Variants in VPS16 observed in about 807,000 individuals in gnomAD.
The protein encoded by VPS16 is VPS16 core subunit of CORVET and HOPS complexes, also known as vacuolar protein sorting-associated protein 16 homolog.
In VPS16, 82 loss-of-function variants were observed where a neutral mutation model predicts 116.0. That is an observed-to-expected ratio of 0.71 (90% CI 0.59 to 0.85). The LOEUF is 0.85. VPS16 is among the 40% of genes least tolerant of loss of function. The pLI is 0.00. For synonymous variants in VPS16, 406 were observed against 420.7 expected, an observed-to-expected ratio of 0.96 and a Z score of 0.43; for missense variants, 928 against 1,090.6, an observed-to-expected ratio of 0.85 and a Z score of 2.10.
At chr20:2,851,677 A>AAAAACAC (rs2089123164) in intron 1 of VPS16, among the ~76,000 whole-genome samples, 8 of 151,252 alleles carry the variant, frequency 5.3e-5, no homozygotes, top group Admixed American at 5.3e-4. Context: ...AAAAAAAACA[A>AAAAACAC]AAAACACACA....
In VPS16 at chr20:2,865,051, C is replaced by A. The variant is rs753716237; in HGVS notation, c.2000C>A (p.Ala667Asp). 2.5e-6 allele frequency: 4 copies of A among 1,614,060 alleles called. No homozygotes were observed. In the African/African-American group the frequency reaches 5.3e-5, roughly 22 times the overall value. ...TACAAGGCCAAGAATGAGTTTGCAG[C>A]CAAGGTTTGGCCCACCTTTTTCCAA... Reference protein sequence around the residue: ...AFYKAKNEFAAKATEDQMRLL... With the variant: ...AFYKAKNEFADKATEDQMRLL... The change falls in exon 20 of 24, where the codon GCC (alanine) becomes GAC (aspartate). Residue 667 changes from alanine (A) to aspartate (D), a missense_variant. Ala to Asp is a moderately radical substitution (Grantham distance 126, BLOSUM62 -2). Transcript: ENST00000380445. This position sits in a 1 kb window ranked among gnomAD's most constrained non-coding sequence, Gnocchi z 5.2.
chr20:2,851,284 C>T (rs1427599467), intron 1 of VPS16, among the ~76,000 whole-genome samples: 1 of 152,146 alleles, frequency 6.6e-6, no homozygotes, highest in Non-Finnish European at 1.5e-5. Context: ...AGTGCTGGTG[C>T]AGGCAGGAGG....
chr20:2,864,670 G>A lies in VPS16; in HGVS notation c.1926+16G>A. On this transcript the variant is annotated intron_variant, in intron 19 of 23. Coordinates refer to ENST00000380445, the MANE Select transcript of VPS16 (RefSeq NM_022575.4). The surrounding 1 kb of genome is among the most constrained non-coding windows in gnomAD (Gnocchi z 5.2). ...TGCAGAAGAGGTCTGAGATCCATGG[G>A]GCGTGTGGGGCGTGTGGGGCATGTG... 2 of 1,597,622 alleles carry A rather than the reference G, an allele frequency of 1.3e-6. No individual in the cohort carries two copies. Among genetic ancestry groups the A allele is most frequent in the East Asian group, 2.2e-5 (1 of 44,842 alleles).
rs774849776 is a variant in VPS16 at position 2,865,108 on chromosome 20, G to A, written c.2005-40G>A. On this transcript the variant is annotated intron_variant, in intron 20 of 23. Coordinates refer to ENST00000380445, the MANE Select transcript of VPS16 (RefSeq NM_022575.4). The surrounding 1 kb of genome is among the most constrained non-coding windows in gnomAD (Gnocchi z 5.2). ...CCTCGTCTCCTGGTCTTCCCTCCTG[G>A]TCCCTCATCCCCATCATGCCTCATT... 3.1e-6 allele frequency: 5 copies of A among 1,614,008 alleles called. No individual in the cohort carries two copies. The South Asian group carries it at 3.3e-5, about 11-fold the overall frequency.
chr20:2,855,301 T>G (rs79063710), intron 1 of VPS16, among the ~76,000 whole-genome samples: 1 of 145,460 alleles, frequency 6.9e-6, no homozygotes, highest in Non-Finnish European at 1.5e-5. Context: ...TTTTTTTTTT[T>G]GAGCAGTGGG....
intron 1 of VPS16, among the ~76,000 whole-genome samples, chr20:2,850,318 CTG>C (rs1446891930): frequency 6.7e-6 from 1 of 148,220 alleles, no homozygotes; most frequent in African/African-American, 2.5e-5. Context: ...GAGCGAAACT[CTG>C]TCTCAAAAAA....
intron 1 of VPS16, among the ~76,000 whole-genome samples, chr20:2,851,948 C>T (rs950039624): frequency 2.0e-5 from 3 of 152,206 alleles, no homozygotes; most frequent in East Asian, 1.9e-4. Context: ...CCAGCCTGGG[C>T]GACAGAGCGA....
At chr20:2,849,617 G>GC (rs2089097490) in intron 1 of VPS16, among the ~76,000 whole-genome samples, 1 of 150,958 alleles carries the variant, frequency 6.6e-6, no homozygotes, top group African/African-American at 2.5e-5. Flanking sequence ...ATTTTTTTTG[G>GC]GGGGGGTGGG....
intron 1 of VPS16, among the ~76,000 whole-genome samples, chr20:2,850,119 C>T (rs1306650996): frequency 1.3e-5 from 2 of 151,942 alleles, no homozygotes; most frequent in South Asian, 2.1e-4. Context: ...GTCAGGAGTT[C>T]GAGACCAGCC....
Position 2,859,827 on chromosome 20 carries a change from C to T in VPS16, c.142+20C>T. On this transcript the variant is annotated intron_variant, in intron 2 of 23. Transcript: ENST00000380445. ...CCATTGGTATGTTGCCCCTCCACCA[C>T]CACCTGCTCTGGGACCCTGGGATGA... 1 of 1,601,788 alleles carries T rather than the reference C, an allele frequency of 6.2e-7. No individual in the cohort carries two copies. Among genetic ancestry groups the T allele is most frequent in the Non-Finnish European group, 8.5e-7 (1 of 1,175,610 alleles).
rs1277744452 is a variant in VPS16 at position 2,863,499 on chromosome 20, A to G, written c.1476+101A>G. Reference sequence around the variant, plus strand: ...AGAACTGCGCTGGGCACGGTGGCTCATGCCTGTAATCCCAACACTTTGGGA... The same window carrying G: ...AGAACTGCGCTGGGCACGGTGGCTCGTGCCTGTAATCCCAACACTTTGGGA... On this transcript the variant is annotated intron_variant, in intron 15 of 23. Coordinates refer to ENST00000380445, the MANE Select transcript of VPS16 (RefSeq NM_022575.4). This position sits in a 1 kb window ranked among gnomAD's most constrained non-coding sequence, Gnocchi z 4.4. 3.3e-6 allele frequency: 4 copies of G among 1,196,860 alleles called. No individual in the cohort carries two copies. The highest frequency in any genetic ancestry group is 4.8e-6 in the Non-Finnish European group (4 of 832,318). 74.1% of individuals were successfully genotyped at this position (1,196,860 alleles called of 1,614,324 possible).
rs1263174585 is a variant in VPS16, at chr20:2,863,619, G to A, written c.1476+221G>A. On this transcript the variant is annotated intron_variant, in intron 15 of 23. Coordinates refer to ENST00000380445, the MANE Select transcript of VPS16 (RefSeq NM_022575.4). The surrounding 1 kb of genome is among the most constrained non-coding windows in gnomAD (Gnocchi z 4.4). The stretch of plus-strand genomic sequence containing the variant: ...CTCTACTAAAAATACAAAATTAGCC[G>A]GGCACGGTGGCGCATGCCTGTAATC... Among the ~76,000 whole-genome samples the A allele has an allele frequency of 3.3e-5, 5 of 152,212 alleles. No homozygotes were observed. Among genetic ancestry groups the A allele is most frequent in the South Asian group, 2.1e-4 (1 of 4,818 alleles).
In VPS16 at chr20:2,866,546, G is replaced by A. The variant is rs1459384172; in HGVS notation, c.2492G>A (p.Arg831Gln). The change falls in exon 24 of 24, where the codon CGG becomes CAG. Residue 831 changes from arginine (R) to glutamine (Q), a missense_variant. By Grantham distance (43) the Arg-to-Gln change is conservative. Transcript: ENST00000380445. ...GGGGCCACAGCTGACAAGATTCAAC[G>A]GGCCAGGGCACAAGCCCAGAAGAAG... Reference protein sequence around the residue: ...TDGATADKIQRARAQAQKK With the variant: ...TDGATADKIQQARAQAQKK 5.6e-6 allele frequency: 9 copies of A among 1,614,164 alleles called. No homozygotes were observed. Among genetic ancestry groups the A allele is most frequent in the African/African-American group, 4.0e-5 (3 of 75,038 alleles).
chr20:2,863,417 G>T lies in VPS16; in HGVS notation c.1476+19G>T, dbSNP rs778544600. ...CTACAAGGCAAGGATGTGGGATGGG[G>T]TCCAAGGGCATTTAGAGGATTCCAG... On this transcript the variant is annotated intron_variant, in intron 15 of 23. Coordinates refer to ENST00000380445, the MANE Select transcript of VPS16 (RefSeq NM_022575.4). The surrounding 1 kb of genome is among the most constrained non-coding windows in gnomAD (Gnocchi z 4.4). The T allele has an allele frequency of 2.5e-6, 4 of 1,611,504 alleles. No homozygotes were observed. The highest frequency in any genetic ancestry group is 3.4e-6 in the Non-Finnish European group (4 of 1,177,736).
At chr20:2,847,971 G>A (rs2089078750) in intron 1 of VPS16, among the ~76,000 whole-genome samples, 1 of 152,044 alleles carries the variant, frequency 6.6e-6, no homozygotes, top group Non-Finnish European at 1.5e-5. Flanking sequence ...CAGCTGCTTC[G>A]GTTTTTTTCT....
chr20:2,842,909 T>TATCTATCGATAGATAGATAGATA (rs1428286703), intron 1 of VPS16, among the ~76,000 whole-genome samples: 2 of 23,828 alleles, frequency 8.4e-5, no homozygotes, highest in Admixed American at 3.3e-4. Context: ...TAGATATATG[T>TATCTATCGATAGATAGATAGATA]TATGGATTGC....
chr20:2,843,353 A>AGGAGAACCT (rs2089028477), intron 1 of VPS16, among the ~76,000 whole-genome samples: 1 of 151,998 alleles, frequency 6.6e-6, no homozygotes, highest in African/African-American at 2.4e-5. Flanking sequence ...AATTGCTTGA[A>AGGAGAACCT]CCTGGGAGGC....
chr20:2,856,504 A>G (rs2089173279), intron 1 of VPS16, among the ~76,000 whole-genome samples: 1 of 152,256 alleles, frequency 6.6e-6, no homozygotes, highest in Non-Finnish European at 1.5e-5. Context: ...TGTAAAAAGT[A>G]CAGTAAAGCA....
At chr20:2,848,883 A>C (rs2089088095) in intron 1 of VPS16, among the ~76,000 whole-genome samples, 1 of 152,186 alleles carries the variant, frequency 6.6e-6, no homozygotes, top group Non-Finnish European at 1.5e-5. Flanking sequence ...TCTGAAATGG[A>C]AGAGACCTAA....
Sources: allele counts gnomAD v4.1 joint callset (sites outside exome capture counted in the v4.1 genomes callset), GRCh38; gene constraint gnomAD v4.1.1; non-coding constraint Gnocchi (gnomAD v3.1); transcripts MANE v1.5; gene names NCBI Gene and HGNC (gene_info 2026-07-23, HGNC 2026-07-21).